SLMAP: variants seen among roughly 807,000 people sequenced by gnomAD.
SLMAP encodes the protein sarcolemmal membrane-associated protein.
Under a neutral mutation model 128.8 loss-of-function variants are expected in SLMAP, and 44 were observed. The ratio of observed to expected loss-of-function variants is 0.34; its 90% CI spans 0.27 to 0.44. SLMAP has a LOEUF of 0.44. Ranked by LOEUF, SLMAP falls within the 20% of genes least tolerant of loss-of-function variation. The probability of loss-of-function intolerance (pLI) is 1.00; values close to 1 mark genes in which losing one functional copy is unlikely to be tolerated. For synonymous variants in SLMAP, 327 were observed against 348.8 expected (o/e 0.94, Z 0.70); for missense variants, 787 against 985.3 (o/e 0.80, Z 2.69).
At chr3:57,767,917 C>T (rs1294006968) in intron 2 of SLMAP, among the ~76,000 whole-genome samples, 2 of 152,186 alleles carry the variant, frequency 1.3e-5, no homozygotes, top group African/African-American at 2.4e-5. Context: ...TGTCATATTA[C>T]GGACTTTCAA....
intron 2 of SLMAP, among the ~76,000 whole-genome samples, chr3:57,787,469 G>A (rs1011772010): frequency 1.1e-4 from 17 of 152,222 alleles, no homozygotes; most frequent in African/African-American, 4.1e-4. Flanking sequence ...TGTAGCATTT[G>A]CTTATTGGGC....
At chr3:57,920,820 G>A (rs2096903668) in intron 22 of SLMAP, among the ~76,000 whole-genome samples, 1 of 151,978 alleles carries the variant, frequency 6.6e-6, no homozygotes, top group East Asian at 1.9e-4. Flanking sequence ...TTCGAGACCA[G>A]CCTGACCAAC....
chr3:57,839,901 T>A (rs909896826), intron 3 of SLMAP, among the ~76,000 whole-genome samples: 9 of 152,160 alleles, frequency 5.9e-5, no homozygotes, highest in Non-Finnish European at 2.9e-5. Flanking sequence ...TTGGCCAGGC[T>A]GGTCTCGAAC....
chr3:57,760,568 A>C (rs1352631946), intron 2 of SLMAP, among the ~76,000 whole-genome samples: 1 of 152,190 alleles, frequency 6.6e-6, no homozygotes, highest in South Asian at 2.1e-4. Flanking sequence ...AGTGCGACCA[A>C]ATAGTTCTCG....
chr3:57,856,064 T>C (rs1403798297), intron 6 of SLMAP, among the ~76,000 whole-genome samples: 1 of 150,434 alleles, frequency 6.6e-6, no homozygotes, highest in Non-Finnish European at 1.5e-5. Context: ...AAAAAAAAAA[T>C]TAACTGGGCA....
At chr3:57,806,419 T>C (rs1285575579) in intron 2 of SLMAP, among the ~76,000 whole-genome samples, 1 of 152,108 alleles carries the variant, frequency 6.6e-6, no homozygotes, top group Non-Finnish European at 1.5e-5. Flanking sequence ...TTCCATGGTG[T>C]TTATGTACCA....
chr3:57,918,453 AT>A (rs2096854824), intron 22 of SLMAP: 2 of 152,232 alleles, frequency 1.3e-5, no homozygotes, highest in African/African-American at 4.8e-5. Flanking sequence ...ATAGTCTTGG[AT>A]TGCATTAAAT....
At chr3:57,860,625 G>C in intron 8 of SLMAP, 74 bp from the exon 9 acceptor site, 13 of 1,131,008 alleles carry the variant, frequency 1.1e-5, no homozygotes, top group Non-Finnish European at 1.5e-5. Context: ...ATATCATAAT[G>C]TGTTAATTTT....
chr3:57,868,890 TTA>T (rs889864340), intron 13 of SLMAP, among the ~76,000 whole-genome samples: 2 of 137,202 alleles, frequency 1.5e-5, no homozygotes, highest in Non-Finnish European at 3.1e-5. Flanking sequence ...ATAATATATA[TTA>T]TATATATTAT....
At chr3:57,881,025 GT>G (rs763337638) in intron 14 of SLMAP, among the ~76,000 whole-genome samples, 2 of 151,702 alleles carry the variant, frequency 1.3e-5, no homozygotes, top group Non-Finnish European at 2.9e-5. Flanking sequence ...GAAACCCCAT[GT>G]CTACTAAAAA....
chr3:57,770,941 C>G (rs890268490), intron 2 of SLMAP, among the ~76,000 whole-genome samples: 25 of 152,176 alleles, frequency 1.6e-4, no homozygotes, highest in Non-Finnish European at 2.9e-4. Context: ...CTTACACTTA[C>G]CAGTTGAACA....
At chr3:57,794,008 C>T (rs556459651) in intron 2 of SLMAP, among the ~76,000 whole-genome samples, 4 of 151,970 alleles carry the variant, frequency 2.6e-5, no homozygotes, top group Admixed American at 1.3e-4. Flanking sequence ...TTAGGACTGC[C>T]GTGAGATGTG....
Position 57,860,873 on chromosome 3 carries a change from T to C in SLMAP, c.828+34T>C, listed in dbSNP as rs199586839. 5.1e-5 allele frequency: 77 copies of C among 1,510,810 alleles called. No homozygotes were observed. In the East Asian group the frequency reaches 8.6e-4, roughly 17 times the overall value. The allele number at this position is 1,510,810 out of a possible 1,614,324, so 93.6% of individuals were successfully genotyped here. On this transcript the variant is annotated intron_variant, in intron 9 of 24. Transcript: ENST00000671191. ...ATCAAAAAAAAAATACTAAATAGTA[T>C]TATGAGTGTTCAAAAAAATCTCAAG...
chr3:57,866,511 ACT>A (rs1231144126), intron 13 of SLMAP, among the ~76,000 whole-genome samples: 1 of 151,764 alleles, frequency 6.6e-6, no homozygotes, highest in South Asian at 2.1e-4. Context: ...GAATTTTGAA[ACT>A]CTCAAGAAAA....
chr3:57,811,661 A>G (rs2090999150), intron 2 of SLMAP, among the ~76,000 whole-genome samples: 1 of 152,192 alleles, frequency 6.6e-6, no homozygotes, highest in African/African-American at 2.4e-5. Context: ...AGGAACTGCC[A>G]TATTGTTTAA....
intron 2 of SLMAP, among the ~76,000 whole-genome samples, chr3:57,802,243 C>T (rs2088659737): frequency 6.6e-6 from 1 of 151,938 alleles, no homozygotes; most frequent in Non-Finnish European, 1.5e-5. Flanking sequence ...TATATCCCAG[C>T]CCCAGCCTTA....
At chr3:57,825,518 A>G (rs1360318139) in intron 2 of SLMAP, among the ~76,000 whole-genome samples, 4 of 90,308 alleles carry the variant, frequency 4.4e-5, no homozygotes, top group Non-Finnish European at 9.4e-5. Context: ...TTTTTTTTTC[A>G]TTTTCTACAA....
intron 2 of SLMAP, among the ~76,000 whole-genome samples, chr3:57,809,197 C>T (rs1040739836): frequency 6.6e-6 from 1 of 152,184 alleles, no homozygotes; most frequent in Non-Finnish European, 1.5e-5. Flanking sequence ...GCTGCAGCCA[C>T]ACAAACTGTG....
intron 2 of SLMAP, among the ~76,000 whole-genome samples, chr3:57,826,392 A>G (rs1490673249): frequency 6.6e-6 from 1 of 152,142 alleles, no homozygotes; most frequent in African/African-American, 2.4e-5. Flanking sequence ...TGTGACCTTG[A>G]TACATTTCTG....
Sources: gnomAD v4.1 joint callset for allele counts (sites outside exome capture counted in the v4.1 genomes callset) on GRCh38, gnomAD v4.1.1 for gene constraint, MANE v1.5 for transcripts, NCBI Gene and HGNC (gene_info 2026-07-23, HGNC 2026-07-21) for gene names.